RAB5A: variants seen among roughly 807,000 people sequenced by gnomAD.
RAB5A encodes the protein ras-related protein Rab-5A.
RAB5A carries 8 observed loss-of-function variants against 25.7 expected under a neutral mutation model. The ratio of observed to expected loss-of-function variants is 0.31; its 90% confidence interval spans 0.18 to 0.56. RAB5A has a LOEUF of 0.56. Among genes scored for constraint, RAB5A ranks in the 20% least tolerant of loss-of-function variants. The pLI, the probability that RAB5A is intolerant of heterozygous loss-of-function variation, is 0.91. For missense variants in RAB5A, 192 were observed against 259.7 expected (o/e 0.74, Z 1.79); for synonymous variants, 98 against 89.8 (o/e 1.09, Z -0.52).
intron 5 of RAB5A, among the ~76,000 whole-genome samples, chr3:19,979,104 A>G (rs1470132677): frequency 6.6e-6 from 1 of 151,698 alleles, no homozygotes; most frequent in East Asian, 1.9e-4. Context: ...TGCCTCCTGA[A>G]TTGCTGGGAT....
At chr3:19,959,916 C>T (rs988747845) in intron 2 of RAB5A, among the ~76,000 whole-genome samples, 6 of 151,988 alleles carry the variant, frequency 3.9e-5, no homozygotes, top group Non-Finnish European at 7.4e-5. Context: ...TGAGCCACCG[C>T]GCTAGGCTGT....
chr3:19,977,681 C>T (rs917956604), intron 4 of RAB5A, among the ~76,000 whole-genome samples: 1 of 152,182 alleles, frequency 6.6e-6, no homozygotes, highest in Non-Finnish European at 1.5e-5. Context: ...TGTCACATAA[C>T]AGTTCAGAGG....
intron 2 of RAB5A, among the ~76,000 whole-genome samples, chr3:19,974,722 G>GAAA (rs151258629): frequency 7.0e-6 from 1 of 141,912 alleles, no homozygotes; most frequent in African/African-American, 2.6e-5. Flanking sequence ...CTGTGTCTCA[G>GAAA]AAAAAGAAAA....
chr3:19,981,756 ACTAG>A (rs1237555316), intron 5 of RAB5A, among the ~76,000 whole-genome samples: 4 of 152,152 alleles, frequency 2.6e-5, no homozygotes, highest in Non-Finnish European at 1.5e-5. Context: ...GAGAACAGCC[ACTAG>A]CTGTATAGAG....
At chr3:19,960,805 G>A (rs1696573818) in intron 2 of RAB5A, among the ~76,000 whole-genome samples, 1 of 152,188 alleles carries the variant, frequency 6.6e-6, no homozygotes, top group Admixed American at 6.5e-5. Flanking sequence ...GGTAGAAGCA[G>A]GATGAAGAAC....
chr3:19,973,092 A>T (rs1215568309), intron 2 of RAB5A, among the ~76,000 whole-genome samples: 1 of 152,232 alleles, frequency 6.6e-6, no homozygotes, highest in Non-Finnish European at 1.5e-5. Flanking sequence ...GAGATGCTTT[A>T]AAGTATACAG....
intron 5 of RAB5A, among the ~76,000 whole-genome samples, chr3:19,980,577 A>C (rs1696906693): frequency 6.6e-6 from 1 of 151,994 alleles, no homozygotes; most frequent in African/African-American, 2.4e-5. Flanking sequence ...TACCTCCTTC[A>C]TCCTCTTAAT....
At chr3:19,978,090 C>T (rs930046218) in intron 4 of RAB5A, among the ~76,000 whole-genome samples, 13 of 152,074 alleles carry the variant, frequency 8.5e-5, no homozygotes, top group African/African-American at 3.1e-4. Flanking sequence ...TGGGATAATG[C>T]AAGAATTTCA....
At chr3:19,978,064 A>G (rs1391898228) in intron 4 of RAB5A, among the ~76,000 whole-genome samples, 1 of 152,226 alleles carries the variant, frequency 6.6e-6, no homozygotes, top group African/African-American at 2.4e-5. Context: ...TTAATGTAAG[A>G]AAAGATTAAT....
At chr3:19,955,063 G>A (rs1575067663) in intron 2 of RAB5A, among the ~76,000 whole-genome samples, 1 of 152,132 alleles carries the variant, frequency 6.6e-6, no homozygotes, top group Admixed American at 6.5e-5. Context: ...TGCATCTCTA[G>A]GCTTGGTAGC....
intron 2 of RAB5A, among the ~76,000 whole-genome samples, chr3:19,975,151 G>A (rs1028789512): frequency 4.0e-5 from 6 of 151,682 alleles, no homozygotes; most frequent in Non-Finnish European, 5.9e-5. Context: ...GCTTGAACCC[G>A]GGAGGCGGAG....
chr3:19,972,148 A>G (rs1575074798), intron 2 of RAB5A, among the ~76,000 whole-genome samples: 2 of 152,194 alleles, frequency 1.3e-5, no homozygotes, highest in Non-Finnish European at 2.9e-5. Context: ...CAGTGTACAT[A>G]AACTTGGTTT....
intron 2 of RAB5A, among the ~76,000 whole-genome samples, chr3:19,954,409 C>T (rs772633735): frequency 9.7e-4 from 148 of 152,080 alleles, no homozygotes; most frequent in African/African-American, 3.3e-3. Flanking sequence ...TGATTGTGTT[C>T]GAAGGTGGAT....
In RAB5A at chr3:19,979,069, C is replaced by T. The variant is rs147430460; in HGVS notation, c.532+666C>T. On this transcript the variant is annotated intron_variant, in intron 5 of 5. Transcript: ENST00000273047. ...TCAGCTCACTGCAACCTCCACTTCC[C>T]GGATTCAAGCGGTTCTCCTGCTTCT... Among the ~76,000 whole-genome samples the T allele has an allele frequency of 1.2e-4, 18 of 151,988 alleles. No individual in the cohort carries two copies. The East Asian group carries it at 1.8e-3, about 15-fold the overall frequency.
At position 19,976,031 on chromosome 3, in the gene RAB5A, T is replaced by G. The variant is rs763450180; in HGVS notation, c.316-16T>G. On this transcript the variant is annotated splice_polypyrimidine_tract_variant and intron_variant, in intron 3 of 5. Transcript: ENST00000273047. ...TTTTTGAGCCTGTGCTCAATGGCTG[T>G]TTCTTTGTTTAACAGGAGTCCTTTG... 1 of 1,603,824 alleles carries G rather than the reference T, an allele frequency of 6.2e-7. No homozygotes were observed. The highest frequency in any genetic ancestry group is 2.2e-5 in the East Asian group (1 of 44,748).
At chr3:19,948,875 T>C (rs1696377165) in intron 1 of RAB5A, among the ~76,000 whole-genome samples, 1 of 152,212 alleles carries the variant, frequency 6.6e-6, no homozygotes, top group Non-Finnish European at 1.5e-5. Flanking sequence ...AATGTTTTGA[T>C]TGTGTGTAAT....
intron 2 of RAB5A, among the ~76,000 whole-genome samples, chr3:19,959,385 A>G (rs1408289037): frequency 1.3e-5 from 2 of 152,038 alleles, no homozygotes; most frequent in African/African-American, 4.8e-5. Flanking sequence ...GTGATATTAT[A>G]TGCCACTTTT....
chr3:19,976,106 C>T lies in RAB5A; in HGVS notation c.375C>T (p.Asn125=), dbSNP rs140005569. ...VKELQRQASP[N]IVIALSGNKA... is the part of the protein sequence containing the mutation. ...AACTTCAGAGGCAAGCAAGTCCTAA[C>T]ATTGTAATAGCTTTATCGGGAAACA... is the stretch of plus-strand genomic sequence containing the variant. Residue 125 remains asparagine (N), a synonymous_variant, in exon 4 of 6, where the codon AAC becomes AAT. Coordinates refer to ENST00000273047, the MANE Select transcript of RAB5A (RefSeq NM_004162.5). 1 of 1,613,290 alleles carries T rather than the reference C, an allele frequency of 6.2e-7. No homozygotes were observed. Among genetic ancestry groups the T allele is most frequent in the Non-Finnish European group, 8.5e-7 (1 of 1,179,684 alleles).
intron 2 of RAB5A, among the ~76,000 whole-genome samples, chr3:19,972,810 G>A (rs907795912): frequency 6.6e-6 from 1 of 152,064 alleles, no homozygotes; most frequent in Non-Finnish European, 1.5e-5. Flanking sequence ...TACATGTATG[G>A]TGTACATGTA....
Sources: gnomAD v4.1 joint callset for allele counts (sites outside exome capture counted in the v4.1 genomes callset) on GRCh38, gnomAD v4.1.1 for gene constraint, MANE v1.5 for transcripts, NCBI Gene and HGNC (gene_info 2026-07-23, HGNC 2026-07-21) for gene names.